The following THADA variants were observed in gnomAD, a reference collection of about 807,000 sequenced individuals.
THADA encodes tRNA (32-2'-O)-methyltransferase regulator THADA.
THADA carries 213 observed loss-of-function variants against 219.8 expected under a neutral mutation model. The ratio of observed to expected loss-of-function variants is 0.97; its 90% CI spans 0.87 to 1.09. The LOEUF is 1.09. Among genes scored for constraint, THADA ranks in the 50% least tolerant of loss-of-function variants. THADA has a pLI of 0.00. For synonymous variants in THADA, 1,018 were observed against 828.9 expected (o/e 1.23, Z -3.92); for missense variants, 2,956 against 2,311.3 (o/e 1.28, Z -5.72).
chr2:43,476,491 A>T (rs578074810), intron 26 of THADA, among the ~76,000 whole-genome samples: 4 of 152,270 alleles, frequency 2.6e-5, no homozygotes, highest in African/African-American at 9.6e-5. Flanking sequence ...ATGGGATAGT[A>T]AGTTGTCTGT....
At chr2:43,442,651 C>A (rs933585945) in intron 26 of THADA, among the ~76,000 whole-genome samples, 2 of 152,066 alleles carry the variant, frequency 1.3e-5, no homozygotes, top group Non-Finnish European at 2.9e-5. Context: ...GCTTTGCTGT[C>A]TTATGGGCTT....
chr2:43,383,430 A>C (rs1422736521), intron 29 of THADA, among the ~76,000 whole-genome samples: 3 of 152,212 alleles, frequency 2.0e-5, no homozygotes, highest in Non-Finnish European at 4.4e-5. Context: ...CAGCAGTTTA[A>C]GCTAACATAC....
intron 22 of THADA, among the ~76,000 whole-genome samples, chr2:43,526,359 T>G (rs866584857): frequency 5.9e-5 from 9 of 152,072 alleles, no homozygotes; most frequent in African/African-American, 2.2e-4. Flanking sequence ...TAATTTGGCC[T>G]CAATCTATCA....
At chr2:43,405,406 T>C (rs1256251538) in intron 28 of THADA, among the ~76,000 whole-genome samples, 5 of 152,216 alleles carry the variant, frequency 3.3e-5, no homozygotes, top group Non-Finnish European at 7.3e-5. Context: ...AATATGTTTT[T>C]GTTATAAATG....
At chr2:43,280,957 C>T (rs561472372) in intron 35 of THADA, among the ~76,000 whole-genome samples, 45 of 152,306 alleles carry the variant, frequency 3.0e-4, no homozygotes, top group Non-Finnish European at 4.3e-4. Context: ...GAATTCATGA[C>T]GAAAGTGAGA....
intron 35 of THADA, among the ~76,000 whole-genome samples, chr2:43,281,046 G>A (rs945264144): frequency 6.6e-6 from 1 of 152,148 alleles, no homozygotes; most frequent in African/African-American, 2.4e-5. Flanking sequence ...TATCACTGGA[G>A]GGCCATGGAA....
chr2:43,446,680 G>C (rs1277261156), intron 26 of THADA, among the ~76,000 whole-genome samples: 1 of 152,172 alleles, frequency 6.6e-6, no homozygotes, highest in Non-Finnish European at 1.5e-5. Flanking sequence ...TTAAATTTTG[G>C]GGTTGTTTGT....
Position 43,428,336 on chromosome 2 carries a change from G to A in THADA, c.3927-105C>T, listed in dbSNP as rs1025391092. On this transcript the variant is annotated intron_variant, in intron 27 of 37. Transcript: ENST00000405975. ...AATAATTATGTATATGGCCGGGTGC[G>A]GTGACTAATGCCTGTAATCCCAGCA... is the stretch of plus-strand genomic sequence containing the variant. The A allele has an allele frequency of 3.2e-5, 36 of 1,125,782 alleles. No homozygotes were observed. In the Admixed American group the frequency reaches 3.7e-4, roughly 11 times the overall value. The allele number at this position is 1,125,782 out of a possible 1,614,324, so 69.7% of individuals were successfully genotyped here. A position where few individuals can be genotyped will look rare whatever the true frequency, so the allele number is the denominator to read the frequency against.
chr2:43,344,333 A>G, intron 29 of THADA, 96 bp from the exon 30 acceptor site: 1 of 828,604 alleles, frequency 1.2e-6, no homozygotes, highest in South Asian at 1.8e-5. Context: ...TGTTCCCCTC[A>G]AAGAAAACAG....
At chr2:43,403,340 G>C (rs1675106673) in intron 28 of THADA, among the ~76,000 whole-genome samples, 1 of 152,190 alleles carries the variant, frequency 6.6e-6, no homozygotes, top group African/African-American at 2.4e-5. Context: ...GAACAACGAA[G>C]ATGATGCTGA....
chr2:43,344,000 C>T (rs562836437), intron 30 of THADA, 122 bp downstream of exon 30: 44 of 668,482 alleles, frequency 6.6e-5, no homozygotes, highest in Non-Finnish European at 1.1e-4. Context: ...AGGATAAATA[C>T]TCCAATAAGT....
intron 30 of THADA, among the ~76,000 whole-genome samples, chr2:43,322,875 A>T (rs1033230079): frequency 6.6e-6 from 1 of 151,130 alleles, no homozygotes; most frequent in Non-Finnish European, 1.5e-5. Flanking sequence ...TTTATTAGAG[A>T]CGGGGTTTCA....
intron 26 of THADA, among the ~76,000 whole-genome samples, chr2:43,459,076 G>C (rs1053161442): frequency 7.2e-5 from 11 of 152,098 alleles, no homozygotes; most frequent in Non-Finnish European, 1.5e-4. Context: ...TTCCAATCCA[G>C]CCACATCAGC....
At chr2:43,375,209 T>A (rs539317771) in intron 29 of THADA, among the ~76,000 whole-genome samples, 4 of 152,344 alleles carry the variant, frequency 2.6e-5, no homozygotes, top group Non-Finnish European at 5.9e-5. Flanking sequence ...TAAGCTTCAG[T>A]TCAGAGTTTA....
At chr2:43,530,136 G>C (rs1402126440) in intron 21 of THADA, among the ~76,000 whole-genome samples, 1 of 152,036 alleles carries the variant, frequency 6.6e-6, no homozygotes, top group South Asian at 2.1e-4. Flanking sequence ...CAAAAAAGCA[G>C]TATATAATAA....
intron 14 of THADA, among the ~76,000 whole-genome samples, chr2:43,568,367 C>G (rs1053411459): frequency 2.1e-4 from 32 of 152,100 alleles, no homozygotes; most frequent in Non-Finnish European, 3.7e-4. Context: ...GATTGTGAGC[C>G]TACCACACCC....
rs139260816 is a variant in THADA at position 43,258,636 on chromosome 2, G to T, written c.5296+21129C>A. On this transcript the variant is annotated intron_variant, in intron 36 of 37. Coordinates refer to ENST00000405975, the MANE Select transcript of THADA (RefSeq NM_022065.5). Reference sequence around the variant, plus strand: ...TGCTAAATCTGGCAACCTTACACAAGAGACCAAATCATTCTTTGGACGACC... The same window carrying T: ...TGCTAAATCTGGCAACCTTACACAATAGACCAAATCATTCTTTGGACGACC... Among the ~76,000 whole-genome samples the T allele has an allele frequency of 2.0e-3, 306 of 152,324 alleles. 1 individual carries two copies. The highest frequency in any genetic ancestry group is 7.1e-3 in the African/African-American group (296 of 41,568).
intron 29 of THADA, among the ~76,000 whole-genome samples, chr2:43,352,942 T>A (rs1373333099): frequency 1.3e-5 from 2 of 152,220 alleles, no homozygotes; most frequent in African/African-American, 4.8e-5. Context: ...TCTCCCGTTC[T>A]ATATATTTGA....
chr2:43,444,181 G>A (rs1319057084), intron 26 of THADA, among the ~76,000 whole-genome samples: 1 of 151,714 alleles, frequency 6.6e-6, no homozygotes, highest in Non-Finnish European at 1.5e-5. Flanking sequence ...TTTGATGTAG[G>A]TCCATCTACA....
Sources: gnomAD v4.1 joint callset for allele counts (sites outside exome capture counted in the v4.1 genomes callset) on GRCh38, gnomAD v4.1.1 for gene constraint, MANE v1.5 for transcripts, NCBI Gene and HGNC (gene_info 2026-07-23, HGNC 2026-07-21) for gene names.